The following FAAH2 variants were observed in gnomAD, a reference collection of about 807,000 sequenced individuals.
The protein encoded by FAAH2 is fatty acid amide hydrolase 2.
A neutral mutation model predicts 36.9 loss-of-function variants in FAAH2; 60 were observed. The observed-to-expected ratio is 1.63, with a 90% CI of 1.32 to 2.02. The LOEUF is 2.02. Among genes scored for constraint, FAAH2 ranks in the 30% most tolerant of loss-of-function variants. The probability of loss-of-function intolerance (pLI) is 0.00; values close to 1 mark genes in which losing one functional copy is unlikely to be tolerated. For synonymous variants in FAAH2, 214 were observed against 143.8 expected (o/e 1.49, Z -3.49); for missense variants, 689 against 397.5 (o/e 1.73, Z -6.23).
At chrX:57,413,865 T>A (rs1398752006) in intron 7 of FAAH2, among the ~76,000 whole-genome samples, 1 of 112,066 alleles carries the variant, frequency 8.9e-6, no homozygotes, top group Non-Finnish European at 1.9e-5. Context: ...TTCCACTTGT[T>A]TGTGTCCTCT....
intron 10 of FAAH2, among the ~76,000 whole-genome samples, chrX:57,461,837 A>T (rs190139377): frequency 1.8e-5 from 2 of 109,991 alleles, no homozygotes; most frequent in East Asian, 2.9e-4. Flanking sequence ...AAAAAACTTT[A>T]AAAAAAATCA....
At chrX:57,182,028 T>G in the FAAH2 span, among the ~76,000 whole-genome samples, 1 of 112,116 alleles carries the variant, frequency 8.9e-6, no homozygotes, top group African/African-American at 3.2e-5. Flanking sequence ...GCTATCTATA[T>G]GCATAAAATT....
At chrX:57,466,152 C>CTATATATATATATA (rs1219532061) in intron 10 of FAAH2, among the ~76,000 whole-genome samples, 141 of 66,770 alleles carry the variant, frequency 2.1e-3, no homozygotes, top group African/African-American at 4.9e-3. Context: ...CTCTCTCTCT[C>CTATATATATATATA]TCTCTATATA....
At chrX:57,295,629 C>T (rs1484754097) in intron 2 of FAAH2, among the ~76,000 whole-genome samples, 1 of 112,002 alleles carries the variant, frequency 8.9e-6, no homozygotes, top group South Asian at 3.7e-4. Context: ...GGGTGCAGTG[C>T]ACCGTGCATG....
intron 1 of FAAH2, among the ~76,000 whole-genome samples, chrX:57,291,307 A>G (rs1899050312): frequency 8.9e-6 from 1 of 112,124 alleles, no homozygotes; most frequent in Non-Finnish European, 1.9e-5. Context: ...AAAGTATATG[A>G]CTGTTACAGC....
At chrX:57,398,708 A>G (rs962338905) in intron 7 of FAAH2, among the ~76,000 whole-genome samples, 6 of 110,929 alleles carry the variant, frequency 5.4e-5, no homozygotes, top group African/African-American at 1.6e-4. Context: ...ATGATTGGCT[A>G]TTTCTTTACC....
chrX:57,266,036 T>G, the FAAH2 span, among the ~76,000 whole-genome samples: 7 of 111,592 alleles, frequency 6.3e-5, no homozygotes, highest in Non-Finnish European at 9.4e-5. Flanking sequence ...TATTTCAGCC[T>G]TCAAGCTTCA....
Position 57,402,329 on chromosome X carries a change from G to A in FAAH2, c.996+21300G>A, listed in dbSNP as rs536992106. Among the ~76,000 whole-genome samples the A allele has an allele frequency of 3.4e-3, 386 of 112,153 alleles. 3 individuals carry two copies. The highest frequency in any genetic ancestry group is 0.011 in the South Asian group (28 of 2,664). On this transcript the variant is annotated intron_variant, in intron 7 of 10. Coordinates refer to ENST00000374900, the MANE Select transcript of FAAH2 (RefSeq NM_174912.4). Reference sequence around the variant, plus strand: ...TCCTTGTAGACCACACTGGAAGCAAGCCCTATTAGGCACTCAATTTGCCCA... The same window carrying A: ...TCCTTGTAGACCACACTGGAAGCAAACCCTATTAGGCACTCAATTTGCCCA...
the FAAH2 span, among the ~76,000 whole-genome samples, chrX:57,208,719 A>T: frequency 2.7e-5 from 3 of 112,202 alleles, no homozygotes; most frequent in African/African-American, 9.7e-5. Context: ...AGTGATAAGC[A>T]TTGTTTCTAT....
chrX:57,411,912 T>C (rs1156889252), intron 7 of FAAH2, among the ~76,000 whole-genome samples: 2 of 111,994 alleles, frequency 1.8e-5, no homozygotes, highest in Non-Finnish European at 3.8e-5. Flanking sequence ...ATGAATAAAT[T>C]AAATTATTTT....
chrX:57,222,160 A>G, the FAAH2 span, among the ~76,000 whole-genome samples: 1 of 111,233 alleles, frequency 9.0e-6, no homozygotes, highest in Non-Finnish European at 1.9e-5. Flanking sequence ...CCGCAAACTA[A>G]GCAAAAAAAT....
the FAAH2 span, among the ~76,000 whole-genome samples, chrX:57,155,643 G>A: frequency 6.2e-5 from 7 of 112,338 alleles, no homozygotes; most frequent in Admixed American, 2.8e-4. Context: ...CGAGTTTCAC[G>A]TCATCCCCCA....
chrX:57,146,142 T>A, the FAAH2 span, among the ~76,000 whole-genome samples: 1 of 110,684 alleles, frequency 9.0e-6, no homozygotes, highest in South Asian at 3.9e-4. Flanking sequence ...ATTACATTTG[T>A]AGGTTGCTTT....
At chrX:57,299,228 C>T (rs2052251684) in intron 2 of FAAH2, among the ~76,000 whole-genome samples, 1 of 112,019 alleles carries the variant, frequency 8.9e-6, no homozygotes, top group Non-Finnish European at 1.9e-5. Context: ...CAAACCGAAT[C>T]CAGCAACACA....
At chrX:57,210,620 C>T in the FAAH2 span, among the ~76,000 whole-genome samples, 32 of 112,474 alleles carry the variant, frequency 2.8e-4, no homozygotes, top group Non-Finnish European at 4.3e-4. Flanking sequence ...TTTCAAAGAG[C>T]ATCTACAAAG....
chrX:57,198,914 C>T, the FAAH2 span, among the ~76,000 whole-genome samples: 1 of 112,250 alleles, frequency 8.9e-6, no homozygotes, highest in Admixed American at 9.4e-5. Context: ...GGCAGACGTT[C>T]CCCCTCTCAC....
the FAAH2 span, among the ~76,000 whole-genome samples, chrX:57,281,467 G>A: frequency 3.6e-5 from 4 of 111,531 alleles, no homozygotes; most frequent in Admixed American, 9.5e-5. Flanking sequence ...TTTGGGAATG[G>A]GTAACAAGAA....
chrX:57,179,302 G>A, the FAAH2 span, among the ~76,000 whole-genome samples: 1 of 111,774 alleles, frequency 8.9e-6, no homozygotes, highest in Admixed American at 9.4e-5. Context: ...CAGTCTACAT[G>A]CCTCAATTAA....
chrX:57,186,316 A>G, the FAAH2 span, among the ~76,000 whole-genome samples: 63 of 112,144 alleles, frequency 5.6e-4, no homozygotes, highest in East Asian at 1.1e-3. Flanking sequence ...TTCTCTAATG[A>G]CCGGTGGTGA....
Sources: gnomAD v4.1 joint callset for allele counts (sites outside exome capture counted in the v4.1 genomes callset) on GRCh38, gnomAD v4.1.1 for gene constraint, MANE v1.5 for transcripts, NCBI Gene and HGNC (gene_info 2026-07-23, HGNC 2026-07-21) for gene names.